The following ADAMTS14 variants were observed in gnomAD, a reference collection of about 807,000 sequenced individuals.
ADAMTS14 encodes ADAM metallopeptidase with thrombospondin type 1 motif 14.
Under a neutral mutation model 128.6 loss-of-function variants are expected in ADAMTS14, and 100 were observed. The observed-to-expected ratio is 0.78, with a 90% CI of 0.66 to 0.92. ADAMTS14 has a LOEUF of 0.92. Ranked by LOEUF, ADAMTS14 falls within the 40% of genes least tolerant of loss-of-function variation. The pLI is 0.00. For synonymous variants in ADAMTS14, 665 were observed against 653.8 expected (o/e 1.02, Z -0.26); for missense variants, 1,562 against 1,658.6 (o/e 0.94, Z 1.01).
rs558361289 is a variant in ADAMTS14, at chr10:70,677,069, C to T, written c.522+2074C>T. Among the ~76,000 whole-genome samples, 4 of 152,258 alleles carry T rather than the reference C, an allele frequency of 2.6e-5. No homozygotes were observed. In the East Asian group the frequency reaches 7.7e-4, roughly 29 times the overall value. ...CCCACCCCCTTTGCATCCTGAAAACCTCCCTTGTCATTGAACCAGCTCAGC... is the reference window on the plus strand; with the variant it reads ...CCCACCCCCTTTGCATCCTGAAAACTTCCCTTGTCATTGAACCAGCTCAGC... On this transcript the variant is annotated intron_variant, in intron 2 of 21. Coordinates refer to ENST00000373207, the MANE Select transcript of ADAMTS14 (RefSeq NM_080722.4).
chr10:70,695,727 A>G lies in ADAMTS14; in HGVS notation c.523-6585A>G, dbSNP rs929087725. Among the ~76,000 whole-genome samples, 6 of 152,228 alleles carry G rather than the reference A, an allele frequency of 3.9e-5. 1 individual carries two copies. Among genetic ancestry groups the G allele is most frequent in the African/African-American group, 1.4e-4 (6 of 41,458 alleles). On this transcript the variant is annotated intron_variant, in intron 2 of 21. Coordinates refer to ENST00000373207, the MANE Select transcript of ADAMTS14 (RefSeq NM_080722.4). ...CCAGAGTTCTGTTCCAAAGTTTGAG[A>G]TGACCAGTGGAGATCCAGTCTCTAT...
chr10:70,736,883 C>T, intron 10 of ADAMTS14, 90 bp downstream of exon 10: 1 of 1,187,816 alleles, frequency 8.4e-7, no homozygotes, highest in Non-Finnish European at 1.2e-6. Flanking sequence ...TGAACCCTGA[C>T]CCCTCCCTCC....
intron 21 of ADAMTS14, among the ~76,000 whole-genome samples, chr10:70,759,129 T>TTTTTTTTTTTTTTTGAG (rs1485675752): frequency 1.8e-5 from 2 of 112,610 alleles, no homozygotes; most frequent in Admixed American, 1.0e-4. Flanking sequence ...TCCAATCTTC[T>TTTTTTTTTTTTTTTGAG]ACTTCTCTGC....
intron 12 of ADAMTS14, among the ~76,000 whole-genome samples, chr10:70,743,167 T>C (rs561578703): frequency 8.3e-4 from 126 of 152,286 alleles, no homozygotes; most frequent in African/African-American, 2.9e-3. Flanking sequence ...GTTAAATGAG[T>C]TAATTCATGA....
At chr10:70,698,177 T>G (rs17600546) in intron 2 of ADAMTS14, among the ~76,000 whole-genome samples, 25,835 of 152,236 alleles carry the variant, frequency 0.17, 2,682 homozygotes, top group Middle Eastern at 0.24. Context: ...TAAGATATAG[T>G]TGGAAATTCA....
At chr10:70,749,228 T>C (rs1842273589) in intron 15 of ADAMTS14, among the ~76,000 whole-genome samples, 1 of 152,204 alleles carries the variant, frequency 6.6e-6, no homozygotes, top group Non-Finnish European at 1.5e-5. Context: ...GCTATGTTTA[T>C]GAACTCTTCT....
chr10:70,729,353 C>T lies in ADAMTS14; in HGVS notation c.930C>T (p.Arg310=), dbSNP rs145120858. ...TTCATATAAATATTGCCCTCGTCCG[C>T]TTGATCATGGTTGGCTACCGACAGG... The part of the protein sequence containing the change: ...LGVHINIALV[R]LIMVGYRQSL... The change falls in exon 5 of 22, where the codon CGC becomes CGT. Residue 310 remains arginine (R), a synonymous_variant. Transcript: ENST00000373207. 7.1e-4 allele frequency: 1,146 copies of T among 1,613,912 alleles called. 2 individuals are homozygous for T. The highest frequency in any genetic ancestry group is 7.4e-4 in the Non-Finnish European group (878 of 1,179,968).
intron 4 of ADAMTS14, among the ~76,000 whole-genome samples, chr10:70,716,032 G>A (rs1841028068): frequency 6.6e-6 from 1 of 152,186 alleles, no homozygotes; most frequent in East Asian, 1.9e-4. Flanking sequence ...CTTGACCTCT[G>A]ACTCATGCAT....
At chr10:70,744,826 GT>G (rs1383382009) in intron 14 of ADAMTS14, among the ~76,000 whole-genome samples, 1 of 152,176 alleles carries the variant, frequency 6.6e-6, no homozygotes, top group Non-Finnish European at 1.5e-5. Flanking sequence ...GCTCAGGACA[GT>G]CATGTGGAGT....
At chr10:70,717,214 A>T (rs1270749684) in intron 4 of ADAMTS14, among the ~76,000 whole-genome samples, 1 of 152,194 alleles carries the variant, frequency 6.6e-6, no homozygotes, top group African/African-American at 2.4e-5. Flanking sequence ...CCTATGGAAT[A>T]ATCAGGGAAC....
intron 2 of ADAMTS14, among the ~76,000 whole-genome samples, chr10:70,695,481 C>T (rs1330602982): frequency 6.6e-6 from 1 of 152,114 alleles, no homozygotes; most frequent in African/African-American, 2.4e-5. Flanking sequence ...GAGACAACAG[C>T]CCCGGATGGC....
At chr10:70,734,443 C>A (rs544734151) in intron 8 of ADAMTS14, among the ~76,000 whole-genome samples, 2 of 152,240 alleles carry the variant, frequency 1.3e-5, no homozygotes, top group East Asian at 1.9e-4. Context: ...GCCCACCTGG[C>A]CCCAGCCCCC....
chr10:70,760,791 C>T lies in ADAMTS14; in HGVS notation c.3610C>T (p.Gln1204Ter). 1 of 1,608,970 alleles carries T rather than the reference C, an allele frequency of 6.2e-7. No individual in the cohort carries two copies. The change falls in exon 22 of 22, where the codon CAA (glutamine) becomes TAA (stop). Residue 1204 changes from glutamine (Q) to a stop codon, truncating the protein, a stop_gained. Transcript: ENST00000373207. LOFTEE classifies it low-confidence loss of function (END_TRUNC). ...TPTPVPEDKG[Q>*]PGEDLRHPGT... is the part of the protein sequence containing the mutation. ...TACGCCAGTCCCTGAGGACAAAGGG[C>T]AACCTGGAGAAGACCTGAGACATCC... is the stretch of plus-strand genomic sequence containing the variant.
chr10:70,732,282 C>A lies in ADAMTS14; in HGVS notation c.1131C>A (p.His377Gln), dbSNP rs1841667799. 2 of 1,614,200 alleles carry A rather than the reference C, an allele frequency of 1.2e-6. No homozygotes were observed. Among genetic ancestry groups the A allele is most frequent in the Non-Finnish European group, 1.7e-6 (2 of 1,180,016 alleles). ...SGYAPVTGMCHPLRSCALNHE... is the reference protein window; with the variant it reads ...SGYAPVTGMCQPLRSCALNHE... Reference sequence around the variant, plus strand: ...ATGCACCCGTCACTGGCATGTGTCACCCCCTGAGGAGCTGTGCCCTCAACC... The same window carrying A: ...ATGCACCCGTCACTGGCATGTGTCAACCCCTGAGGAGCTGTGCCCTCAACC... The change falls in exon 7 of 22, where the codon CAC becomes CAA. Residue 377 changes from histidine (H) to glutamine (Q), a missense_variant. Physicochemically the swap from His to Gln is conservative, Grantham distance 24. Coordinates refer to ENST00000373207, the MANE Select transcript of ADAMTS14 (RefSeq NM_080722.4).
In ADAMTS14 at chr10:70,741,128, C is replaced by T. The variant is rs532151936; in HGVS notation, c.1890C>T (p.Ala630=). 1 of 1,613,770 alleles carries T rather than the reference C, an allele frequency of 6.2e-7. No individual in the cohort carries two copies. The highest frequency in any genetic ancestry group is 8.5e-7 in the Non-Finnish European group (1 of 1,179,986). ...KRNSYYVHQN[A]KHSWVPYEPD... ...ACTCCTACTATGTGCACCAGAATGC[C>T]AAGCACAGCTGGGTGCCCTACGAGC... The change falls in exon 12 of 22, where the codon GCC becomes GCT. Residue 630 remains alanine, a synonymous_variant. Transcript: ENST00000373207.
rs1023157721 is a variant in ADAMTS14, at chr10:70,734,012, C to A, written c.1336C>A (p.Leu446Ile). 2 of 1,613,272 alleles carry A rather than the reference C, an allele frequency of 1.2e-6. No homozygotes were observed. The highest frequency in any genetic ancestry group is 2.7e-5 in the African/African-American group (2 of 75,044). ...FHWSRCSKLELSRYLPSYDCL... is the reference protein window; with the variant it reads ...FHWSRCSKLEISRYLPSYDCL... ...TTGGTCCCGCTGCAGCAAGCTGGAG[C>A]TCAGCCGCTACCTCCCGTAGGTCAT... The change falls in exon 8 of 22, where the codon CTC becomes ATC. Residue 446 changes from leucine to isoleucine, a missense_variant. Physicochemically the swap from Leu to Ile is conservative, Grantham distance 5. Transcript: ENST00000373207.
chr10:70,746,167 A>C (rs1333132846), intron 15 of ADAMTS14, among the ~76,000 whole-genome samples: 1 of 152,186 alleles, frequency 6.6e-6, no homozygotes, highest in Non-Finnish European at 1.5e-5. Context: ...CATTATAATC[A>C]TACTTAAACA....
intron 4 of ADAMTS14, among the ~76,000 whole-genome samples, chr10:70,710,700 C>A (rs1840825831): frequency 6.6e-6 from 1 of 152,236 alleles, no homozygotes; most frequent in Non-Finnish European, 1.5e-5. Context: ...CTCTTCTGCA[C>A]TTTGAAAGCA....
Position 70,729,302 on chromosome 10 carries a change from G to A in ADAMTS14, c.879G>A (p.Glu293=). Residue 293 remains glutamate (E), a synonymous_variant, in exon 5 of 22, where the codon GAG becomes GAA. Coordinates refer to ENST00000373207, the MANE Select transcript of ADAMTS14 (RefSeq NM_080722.4). The part of the protein sequence containing the change: ...YVLTLMNIVD[E]IYHDESLGVH... The stretch of plus-strand genomic sequence containing the variant: ...GTATTTTCTTCTTGCAGGTAGATGA[G>A]ATTTACCACGATGAGTCCCTGGGGG... 1 of 1,613,610 alleles carries A rather than the reference G, an allele frequency of 6.2e-7. No homozygotes were observed. Among genetic ancestry groups the A allele is most frequent in the Admixed American group, 1.7e-5 (1 of 60,014 alleles).
Sources: allele counts gnomAD v4.1 joint callset (sites outside exome capture counted in the v4.1 genomes callset), GRCh38; gene constraint gnomAD v4.1.1; transcripts MANE v1.5; gene names NCBI Gene and HGNC (gene_info 2026-07-23, HGNC 2026-07-21).